PRKX: variants seen among roughly 807,000 people sequenced by gnomAD.
PRKX encodes protein kinase cAMP-dependent X-linked catalytic subunit, also known as cAMP-dependent protein kinase catalytic subunit PRKX.
A neutral mutation model predicts 22.0 loss-of-function variants in PRKX; 12 were observed. The observed-to-expected ratio is 0.54, with a 90% CI of 0.35 to 0.88. The LOEUF (loss-of-function observed/expected upper bound fraction) is 0.88, where lower values mean the gene tolerates loss of function less well. Among genes scored for constraint, PRKX ranks in the 40% least tolerant of loss-of-function variants. PRKX has a pLI of 0.01. For synonymous variants in PRKX, 134 were observed against 137.7 expected, an observed-to-expected ratio of 0.97 and a Z score of 0.19; for missense variants, 217 against 308.0, an observed-to-expected ratio of 0.70 and a Z score of 2.21.
At chrX:3,693,245 T>C (rs747296271) in intron 1 of PRKX, among the ~76,000 whole-genome samples, 35 of 111,531 alleles carry the variant, frequency 3.1e-4, no homozygotes, top group Non-Finnish European at 6.2e-4. Context: ...TAGGAGAACA[T>C]TGGGATGCAT....
At chrX:3,659,464 T>G (rs970594290) in intron 2 of PRKX, 1 of 111,148 alleles carries the variant, frequency 9.0e-6, no homozygotes, top group African/African-American at 3.3e-5. Context: ...CAGGAATGCC[T>G]TCTGCTCTCC....
At chrX:3,709,435 G>C (rs931345218) in intron 1 of PRKX, among the ~76,000 whole-genome samples, 2 of 111,190 alleles carry the variant, frequency 1.8e-5, no homozygotes, top group African/African-American at 6.6e-5. Flanking sequence ...TGTAGGACAG[G>C]TTCCGTCATT....
intron 1 of PRKX, among the ~76,000 whole-genome samples, chrX:3,678,554 C>T (rs1928009356): frequency 8.9e-6 from 1 of 112,188 alleles, no homozygotes; most frequent in African/African-American, 3.2e-5. Context: ...ATACAAAACT[C>T]AAAACACGTT....
chrX:3,689,843 G>A (rs1202591567), intron 1 of PRKX, among the ~76,000 whole-genome samples: 1 of 111,518 alleles, frequency 9.0e-6, no homozygotes, highest in Admixed American at 9.5e-5. Context: ...CGAGTGTGGT[G>A]GCGGAAGCCT....
At chrX:3,677,431 G>C (rs1478610333) in intron 1 of PRKX, among the ~76,000 whole-genome samples, 7 of 105,585 alleles carry the variant, frequency 6.6e-5, no homozygotes, top group Non-Finnish European at 1.2e-4. Context: ...CCAGGCTCAA[G>C]TGACCCTCCC....
chrX:3,712,612 G>GGGCACACAGGGCACA (rs1473439328), intron 1 of PRKX, among the ~76,000 whole-genome samples: 1 of 112,436 alleles, frequency 8.9e-6, no homozygotes, highest in Non-Finnish European at 1.9e-5. Context: ...AGCTGCTCCT[G>GGGCACACAGGGCACA]CAGCCCCTGG....
At chrX:3,645,133 G>A (rs1470169465) in intron 3 of PRKX, among the ~76,000 whole-genome samples, 3 of 111,174 alleles carry the variant, frequency 2.7e-5, no homozygotes, top group Non-Finnish European at 5.7e-5. Flanking sequence ...GTGTTATGTC[G>A]AGACCACTGG....
chrX:3,627,468 T>C (rs1240139963), intron 4 of PRKX, among the ~76,000 whole-genome samples: 1 of 87,092 alleles, frequency 1.1e-5, no homozygotes, highest in Middle Eastern at 5.6e-3. Flanking sequence ...AAGGGAACTC[T>C]TTTTTTTTTT....
chrX:3,663,211 G>A (rs1927641493), intron 2 of PRKX, among the ~76,000 whole-genome samples: 1 of 108,329 alleles, frequency 9.2e-6, no homozygotes, highest in Admixed American at 1.0e-4. Flanking sequence ...AGAGATCAGT[G>A]GAGAGAAGGG....
At chrX:3,701,441 AC>A (rs1928570698) in intron 1 of PRKX, among the ~76,000 whole-genome samples, 1 of 112,483 alleles carries the variant, frequency 8.9e-6, no homozygotes, top group African/African-American at 3.2e-5. Flanking sequence ...AACAAAATCA[AC>A]CAGCCCATGA....
At chrX:3,707,030 G>A (rs999565111) in intron 1 of PRKX, among the ~76,000 whole-genome samples, 1 of 111,845 alleles carries the variant, frequency 8.9e-6, no homozygotes, top group Non-Finnish European at 1.9e-5. Context: ...GGGAGACTGA[G>A]GTGGGAAGAT....
chrX:3,658,555 TG>T (rs1004034440), intron 2 of PRKX, among the ~76,000 whole-genome samples: 2 of 111,523 alleles, frequency 1.8e-5, no homozygotes, highest in Non-Finnish European at 3.8e-5. Context: ...CCCGAAGTGC[TG>T]GGATTACAAA....
intron 1 of PRKX, among the ~76,000 whole-genome samples, chrX:3,685,569 G>A (rs868689308): frequency 3.6e-5 from 4 of 111,036 alleles, no homozygotes; most frequent in African/African-American, 9.8e-5. Context: ...ATCTGTAAGC[G>A]TGAAAACATT....
chrX:3,706,690 C>T (rs1180889902), intron 1 of PRKX, among the ~76,000 whole-genome samples: 1 of 112,191 alleles, frequency 8.9e-6, no homozygotes. Flanking sequence ...TTCTTTGCAG[C>T]GTGCCCATGA....
At chrX:3,648,971 C>A (rs965805044) in intron 3 of PRKX, among the ~76,000 whole-genome samples, 1 of 110,576 alleles carries the variant, frequency 9.0e-6, no homozygotes, top group Non-Finnish European at 1.9e-5. Context: ...ATAAAAAACA[C>A]CAAAAACAAA....
chrX:3,688,620 T>C (rs148107445), intron 1 of PRKX, among the ~76,000 whole-genome samples: 1,717 of 110,268 alleles, frequency 0.016, 66 homozygotes, highest in African/African-American at 0.053. Flanking sequence ...CCCAGCACTT[T>C]AGAAGGCTGA....
In PRKX at chrX:3,612,246, G is replaced by A; in HGVS notation, c.1031C>T (p.Ala344Val). 8.3e-7 allele frequency: 1 copy of A among 1,210,482 alleles called. No individual in the cohort carries two copies. Among genetic ancestry groups the A allele is most frequent in the Non-Finnish European group, 1.1e-6 (1 of 895,040 alleles). Reference protein sequence around the residue: ...ETYPENDWDTAAPVPQKDLEI... With the variant: ...ETYPENDWDTVAPVPQKDLEI... ...TAAATCCTTCTGCGGCACGGGCGCG[G>A]CTGTGTCCCAGTCATTCTCAGGGTA... Residue 344 changes from alanine (A) to valine (V), a missense_variant, in exon 8 of 9, where the codon GCC becomes GTC. Transcript: ENST00000262848.
At chrX:3,620,128 C>G (rs192870570) in intron 6 of PRKX, among the ~76,000 whole-genome samples, 28 of 111,790 alleles carry the variant, frequency 2.5e-4, no homozygotes, top group Non-Finnish European at 4.7e-4. Flanking sequence ...CACAAAACAC[C>G]TACTCTCATG....
At chrX:3,652,071 C>A (rs745501722) in intron 3 of PRKX, among the ~76,000 whole-genome samples, 1 of 110,780 alleles carries the variant, frequency 9.0e-6, no homozygotes, top group African/African-American at 3.3e-5. Context: ...AAGAACCATA[C>A]AACGGACTTC....
Sources: allele counts gnomAD v4.1 joint callset (sites outside exome capture counted in the v4.1 genomes callset), GRCh38; gene constraint gnomAD v4.1.1; transcripts MANE v1.5; gene names NCBI Gene and HGNC (gene_info 2026-07-23, HGNC 2026-07-21).